Variants in NRG1 observed in about 807,000 individuals in gnomAD.
NRG1 encodes neuregulin 1, also known as pro-neuregulin-1, membrane-bound isoform.
In NRG1, 18 loss-of-function variants were observed where a neutral mutation model predicts 63.8. That is an observed-to-expected ratio of 0.28 (90% CI 0.19 to 0.42). The LOEUF (loss-of-function observed/expected upper bound fraction) is 0.42. NRG1 is among the 10% of genes least tolerant of loss of function. The probability of loss-of-function intolerance (pLI) is 1.00; values close to 1 mark genes in which losing one functional copy is unlikely to be tolerated. For synonymous variants in NRG1, 302 were observed against 301.3 expected, an observed-to-expected ratio of 1.00 and a Z score of -0.02; for missense variants, 762 against 814.7, an observed-to-expected ratio of 0.94 and a Z score of 0.79.
chr8:32,395,730 T>C (rs6993762), intron 1 of NRG1, among the ~76,000 whole-genome samples: 40,840 of 152,024 alleles, frequency 0.27, 5,765 homozygotes, highest in Middle Eastern at 0.33. Context: ...GGAAAGATGT[T>C]AAATCTGTTG....
chr8:32,281,534 A>T (rs1247656875), intron 1 of NRG1, among the ~76,000 whole-genome samples: 1 of 151,886 alleles, frequency 6.6e-6, no homozygotes, highest in East Asian at 1.9e-4. Context: ...GCCTCCCCCC[A>T]ACAGTGTCTA....
chr8:31,826,433 G>T lies in NRG1; in HGVS notation c.37+187002G>T, dbSNP rs538729483. ...TGCAAAGGGGAGTTCCCCTACACATGCTCCCTCTTTCCTGTCGCCATGTAA... is the reference window on the plus strand; with the variant it reads ...TGCAAAGGGGAGTTCCCCTACACATTCTCCCTCTTTCCTGTCGCCATGTAA... On this transcript the variant is annotated intron_variant, in intron 1 of 10. Coordinates refer to the NRG1 transcript ENST00000519301. 1.2e-4 allele frequency among the ~76,000 whole-genome samples: 19 copies of T among 152,260 alleles called. No individual in the cohort carries two copies. The South Asian group carries it at 2.9e-3, about 23-fold the overall frequency.
chr8:32,357,249 G>A (rs539424756), intron 1 of NRG1, among the ~76,000 whole-genome samples: 1 of 152,236 alleles, frequency 6.6e-6, no homozygotes, highest in African/African-American at 2.4e-5. Flanking sequence ...GTTGTGAGAA[G>A]AGAAGAAATA....
intron 1 of NRG1, among the ~76,000 whole-genome samples, chr8:31,726,792 T>G (rs1585960654): frequency 7.3e-6 from 1 of 137,464 alleles, no homozygotes; most frequent in Non-Finnish European, 1.6e-5. Flanking sequence ...AGGAGGAGGG[T>G]TTGTACCCTT....
At chr8:32,631,411 A>G (rs1280315388) in intron 5 of NRG1, among the ~76,000 whole-genome samples, 1 of 152,182 alleles carries the variant, frequency 6.6e-6, no homozygotes, top group Non-Finnish European at 1.5e-5. Flanking sequence ...CTTCTAATGC[A>G]CTGGCAATGA....
intron 1 of NRG1, among the ~76,000 whole-genome samples, chr8:32,491,152 G>T (rs1213583986): frequency 6.6e-6 from 1 of 152,140 alleles, no homozygotes; most frequent in Non-Finnish European, 1.5e-5. Context: ...GACGGACCTA[G>T]CATGTTGTGT....
At chr8:32,596,425 G>A (rs1219036449) in intron 2 of NRG1, among the ~76,000 whole-genome samples, 1 of 152,000 alleles carries the variant, frequency 6.6e-6, no homozygotes, top group Non-Finnish European at 1.5e-5. Flanking sequence ...CCAACATGGT[G>A]AAACCCTGTC....
At chr8:32,309,178 T>C (rs1198398594) in intron 1 of NRG1, among the ~76,000 whole-genome samples, 4 of 152,114 alleles carry the variant, frequency 2.6e-5, no homozygotes, top group Non-Finnish European at 4.4e-5. Context: ...ACCATAAAGA[T>C]TCCTCTGGGA....
chr8:32,336,459 A>G (rs2129477956), intron 1 of NRG1, among the ~76,000 whole-genome samples: 1 of 152,310 alleles, frequency 6.6e-6, no homozygotes, highest in Middle Eastern at 3.4e-3. Flanking sequence ...GAGAGAATCA[A>G]AAATGAAAAG....
chr8:32,734,582 G>C (rs1399418106), intron 6 of NRG1, among the ~76,000 whole-genome samples: 1 of 152,200 alleles, frequency 6.6e-6, no homozygotes, highest in Non-Finnish European at 1.5e-5. Context: ...ATTTGTGAGA[G>C]CAAGTGGTGG....
At chr8:31,714,722 C>A (rs2131274474) in intron 1 of NRG1, among the ~76,000 whole-genome samples, 1 of 152,248 alleles carries the variant, frequency 6.6e-6, no homozygotes, top group African/African-American at 2.4e-5. Flanking sequence ...ATCACCTTAT[C>A]TAGTACTATT....
intron 1 of NRG1, among the ~76,000 whole-genome samples, chr8:31,980,301 G>C (rs186367601): frequency 6.6e-6 from 1 of 151,910 alleles, no homozygotes. Flanking sequence ...TCTGGTGGGA[G>C]GTGTACTGCA....
chr8:31,721,326 C>T lies in NRG1; in HGVS notation c.37+81895C>T, dbSNP rs117207905. Among the ~76,000 whole-genome samples, 586 of 152,240 alleles carry T rather than the reference C, an allele frequency of 3.8e-3. 1 individual carries two copies. The highest frequency in any genetic ancestry group is 0.019 in the South Asian group (92 of 4,828). On this transcript the variant is annotated intron_variant, in intron 1 of 10. Transcript: ENST00000519301. ...TCCTGTGTGGGTACATTTGCTGCTG[C>T]ATTTGACACAGTAAAGTTGTATTAA...
chr8:32,705,917 C>T (rs1026860227), intron 5 of NRG1, among the ~76,000 whole-genome samples: 1 of 152,188 alleles, frequency 6.6e-6, no homozygotes, highest in Non-Finnish European at 1.5e-5. Flanking sequence ...AATTGCCCAA[C>T]CTACCAAGGC....
At chr8:32,134,394 G>T (rs1835240475) in intron 1 of NRG1, among the ~76,000 whole-genome samples, 1 of 152,058 alleles carries the variant, frequency 6.6e-6, no homozygotes, top group Non-Finnish European at 1.5e-5. Flanking sequence ...AAGGCCTCCA[G>T]ATGGCCAGAT....
intron 1 of NRG1, among the ~76,000 whole-genome samples, chr8:32,226,033 T>C (rs925858806): frequency 2.6e-5 from 4 of 152,180 alleles, no homozygotes; most frequent in Non-Finnish European, 4.4e-5. Context: ...AAATTCTTCA[T>C]GTGAACCTGT....
chr8:31,688,856 T>G (rs1218687873), intron 1 of NRG1, among the ~76,000 whole-genome samples: 3 of 152,214 alleles, frequency 2.0e-5, no homozygotes, highest in Non-Finnish European at 2.9e-5. Flanking sequence ...CACAAATTGT[T>G]TATCTCACAG....
At chr8:32,107,168 G>A (rs144764112) in intron 1 of NRG1, among the ~76,000 whole-genome samples, 24 of 152,142 alleles carry the variant, frequency 1.6e-4, no homozygotes, top group African/African-American at 4.8e-4. Flanking sequence ...CCCAGGAGGC[G>A]GAGGTCGCAG....
chr8:31,916,964 A>G (rs1476726294), intron 1 of NRG1, among the ~76,000 whole-genome samples: 1 of 152,070 alleles, frequency 6.6e-6, no homozygotes, highest in Non-Finnish European at 1.5e-5. Flanking sequence ...AGTGATGGCA[A>G]GCATTTTTTC....
Sources: gnomAD v4.1 joint callset for allele counts (sites outside exome capture counted in the v4.1 genomes callset) on GRCh38, gnomAD v4.1.1 for gene constraint, MANE v1.5 for transcripts, NCBI Gene and HGNC (gene_info 2026-07-23, HGNC 2026-07-21) for gene names.